Variants in GMPR observed in about 807,000 individuals in gnomAD.
The protein encoded by GMPR is GMP reductase 1.
In GMPR, 31 loss-of-function variants were observed where a neutral mutation model predicts 38.4. That is an observed-to-expected ratio of 0.81 (90% CI 0.61 to 1.09). GMPR has a LOEUF of 1.09. Among genes scored for constraint, GMPR ranks in the 50% least tolerant of loss-of-function variants. GMPR has a pLI of 0.00. For synonymous variants in GMPR, 162 were observed against 173.3 expected, an observed-to-expected ratio of 0.93 and a Z score of 0.51; for missense variants, 468 against 453.7, an observed-to-expected ratio of 1.03 and a Z score of -0.29.
intron 1 of GMPR, among the ~76,000 whole-genome samples, chr6:16,239,663 G>A (rs532311620): frequency 6.6e-6 from 1 of 152,336 alleles, no homozygotes; most frequent in South Asian, 2.1e-4. Flanking sequence ...GAGGAGGCTG[G>A]GCCAACCTGC....
At chr6:16,266,409 T>TAAC (rs1375341079) in intron 4 of GMPR, among the ~76,000 whole-genome samples, 1 of 123,580 alleles carries the variant, frequency 8.1e-6, no homozygotes, top group Non-Finnish European at 1.7e-5. Flanking sequence ...TTAAGAGCTG[T>TAAC]AACACTCACT....
intron 6 of GMPR, among the ~76,000 whole-genome samples, chr6:16,284,353 C>T (rs1042154091): frequency 2.0e-5 from 3 of 152,192 alleles, no homozygotes; most frequent in African/African-American, 7.2e-5. Context: ...CAAGGTGGGT[C>T]ATCCCATTTC....
intron 1 of GMPR, among the ~76,000 whole-genome samples, chr6:16,239,093 G>T (rs1271713075): frequency 6.6e-6 from 1 of 152,194 alleles, no homozygotes; most frequent in East Asian, 1.9e-4. Flanking sequence ...GGGTACGAGG[G>T]CGCTTATAGC....
At chr6:16,268,173 C>T (rs761364552) in intron 4 of GMPR, among the ~76,000 whole-genome samples, 13 of 152,204 alleles carry the variant, frequency 8.5e-5, no homozygotes, top group Non-Finnish European at 1.5e-5. Context: ...TGGCTGAAAG[C>T]TACAAAGGTG....
chr6:16,289,065 G>A (rs148043104), intron 7 of GMPR, among the ~76,000 whole-genome samples: 1 of 152,194 alleles, frequency 6.6e-6, no homozygotes, highest in Non-Finnish European at 1.5e-5. Flanking sequence ...TTTTCTTTGG[G>A]AGGGTGATTT....
rs745734586 is a variant in GMPR at position 16,246,972 on chromosome 6, A to C, written c.207+11A>C. On this transcript the variant is annotated intron_variant, in intron 2 of 8. Coordinates refer to ENST00000259727, the MANE Select transcript of GMPR (RefSeq NM_006877.4). The stretch of plus-strand genomic sequence containing the variant: ...GCCGTGATGTCACAGGTGAGGCGGT[A>C]GGCTTTTGTTTTTTCCCTTTGCTGC... The C allele has an allele frequency of 1.9e-6, 3 of 1,611,842 alleles. No homozygotes were observed. The highest frequency in any genetic ancestry group is 2.2e-5 in the South Asian group (2 of 90,500).
chr6:16,276,090 T>C (rs909743722), intron 5 of GMPR, among the ~76,000 whole-genome samples: 2 of 151,836 alleles, frequency 1.3e-5, no homozygotes, highest in Non-Finnish European at 2.9e-5. Context: ...AAAGGAAATA[T>C]GTATTGAATG....
intron 3 of GMPR, among the ~76,000 whole-genome samples, chr6:16,250,941 TG>T (rs569992293): frequency 7.5e-4 from 114 of 152,152 alleles, no homozygotes; most frequent in Middle Eastern, 3.4e-3. Flanking sequence ...TATTCACTGC[TG>T]GGAATGGAAA....
chr6:16,246,826 T>A lies in GMPR; in HGVS notation c.88-16T>A. The A allele has an allele frequency of 6.2e-7, 1 of 1,606,566 alleles. No individual in the cohort carries two copies. ...TCATTTCTTTCCCTTTTTCTTTCTT[T>A]TTTTTTGGCCAACAGGTGGATCTTG... On this transcript the variant is annotated splice_polypyrimidine_tract_variant and intron_variant, in intron 1 of 8. Coordinates refer to ENST00000259727, the MANE Select transcript of GMPR (RefSeq NM_006877.4).
At chr6:16,284,606 G>A (rs1385994293) in intron 6 of GMPR, among the ~76,000 whole-genome samples, 10 of 152,152 alleles carry the variant, frequency 6.6e-5, no homozygotes, top group East Asian at 1.9e-4. Context: ...GACTGTCCCC[G>A]TGTGTCTGGC....
intron 4 of GMPR, among the ~76,000 whole-genome samples, chr6:16,258,493 T>C (rs749468553): frequency 6.6e-6 from 1 of 152,192 alleles, no homozygotes; most frequent in Middle Eastern, 3.2e-3. Context: ...TGGGGGAGTT[T>C]ACTGGGAGGG....
chr6:16,257,193 T>C (rs531199076), intron 4 of GMPR, among the ~76,000 whole-genome samples: 13 of 152,226 alleles, frequency 8.5e-5, no homozygotes, highest in African/African-American at 3.1e-4. Flanking sequence ...CCCCAAAGTA[T>C]GGGGTTTTGA....
chr6:16,267,316 G>A (rs1759272348), intron 4 of GMPR, among the ~76,000 whole-genome samples: 1 of 152,130 alleles, frequency 6.6e-6, no homozygotes, highest in East Asian at 2.0e-4. Context: ...AGCTTGCAGT[G>A]AGCCGAGATC....
intron 1 of GMPR, among the ~76,000 whole-genome samples, chr6:16,243,702 A>T (rs1031302291): frequency 1.3e-5 from 2 of 152,190 alleles, no homozygotes; most frequent in Admixed American, 6.5e-5. Flanking sequence ...CCTGGGTCCC[A>T]CGTCTGCCCC....
chr6:16,266,401 A>G (rs567196306), intron 4 of GMPR, among the ~76,000 whole-genome samples: 3 of 112,292 alleles, frequency 2.7e-5, no homozygotes, highest in East Asian at 3.0e-4. Flanking sequence ...TGCCACCTTT[A>G]AGAGCTGTAA....
At chr6:16,288,135 C>T (rs532693918) in intron 7 of GMPR, among the ~76,000 whole-genome samples, 58 of 152,376 alleles carry the variant, frequency 3.8e-4, no homozygotes, top group Non-Finnish European at 7.1e-4. Context: ...CCTCCTCTGC[C>T]TGGGCTCCCA....
intron 8 of GMPR, among the ~76,000 whole-genome samples, chr6:16,292,404 T>G (rs1167457181): frequency 1.3e-5 from 2 of 151,992 alleles, no homozygotes; most frequent in Non-Finnish European, 2.9e-5. Context: ...CTCTTGGTGG[T>G]GAACCCCAAT....
chr6:16,238,862 C>A, intron 1 of GMPR, 82 bp downstream of exon 1: 2 of 609,844 alleles, frequency 3.3e-6, no homozygotes, highest in South Asian at 2.8e-5. Context: ...GGGGGTGGCA[C>A]CGGGTTACCC....
rs1304787991 is a variant in GMPR, at chr6:16,295,120, CAAG to C, written c.973_975del (p.Lys325del). 4.4e-6 allele frequency: 7 copies of C among 1,577,818 alleles called. No individual in the cohort carries two copies. Among genetic ancestry groups the C allele is most frequent in the African/African-American group, 1.4e-5 (1 of 71,670 alleles). On this transcript the variant is annotated inframe_deletion, in exon 9 of 9. Coordinates refer to ENST00000259727, the MANE Select transcript of GMPR (RefSeq NM_006877.4). ...GCACCTACGTGGGGGCCGCCAAACT[CAAG>C]GAGCTCAGCAGGAGGGCAACATTCA...
Sources: allele counts gnomAD v4.1 joint callset (sites outside exome capture counted in the v4.1 genomes callset), GRCh38; gene constraint gnomAD v4.1.1; transcripts MANE v1.5; gene names NCBI Gene and HGNC (gene_info 2026-07-23, HGNC 2026-07-21).